AKR1B10: variants seen among roughly 807,000 people sequenced by gnomAD.
AKR1B10 encodes the protein ARP.
In AKR1B10, 39 loss-of-function variants were observed where a neutral mutation model predicts 38.9. That is an observed-to-expected ratio of 1.00 (90% confidence interval 0.78 to 1.31). AKR1B10 has a LOEUF of 1.31. Among genes scored for constraint, AKR1B10 ranks in the 50% most tolerant of loss-of-function variants. The pLI is 0.00. For synonymous variants in AKR1B10, 148 were observed against 141.2 expected, an observed-to-expected ratio of 1.05 and a Z score of -0.34; for missense variants, 361 against 382.6, an observed-to-expected ratio of 0.94 and a Z score of 0.47.
chr7:134,528,349 G>T (rs1199972061), intron 1 of AKR1B10, among the ~76,000 whole-genome samples: 3 of 152,166 alleles, frequency 2.0e-5, no homozygotes, highest in Non-Finnish European at 4.4e-5. Flanking sequence ...AGGATGCAGA[G>T]CCCGAAGTCC....
intron 4 of AKR1B10, among the ~76,000 whole-genome samples, chr7:134,535,324 A>C (rs2117546994): frequency 6.6e-6 from 1 of 152,162 alleles, no homozygotes; most frequent in Non-Finnish European, 1.5e-5. Context: ...CAAGAGTTAA[A>C]AAACTTACCC....
At chr7:134,537,393 G>T (rs918580514) in intron 6 of AKR1B10, among the ~76,000 whole-genome samples, 187 bp from the exon 7 acceptor site, 1 of 152,132 alleles carries the variant, frequency 6.6e-6, no homozygotes, top group Admixed American at 6.5e-5. Context: ...CCACCCAAGG[G>T]TGAACCAGGC....
chr7:134,532,039 C>T lies in AKR1B10; in HGVS notation c.351+15C>T, dbSNP rs747618966. 1.1e-5 allele frequency: 18 copies of T among 1,613,612 alleles called. No homozygotes were observed. Among genetic ancestry groups the T allele is most frequent in the Non-Finnish European group, 1.3e-5 (15 of 1,179,734 alleles). ...AGGGATTCAAGGTTTAAGACACTCT[C>T]TTTCTCAGCCTCTAGTTTCTGAGCA... On this transcript the variant is annotated intron_variant, in intron 3 of 9. Coordinates refer to ENST00000359579, the MANE Select transcript of AKR1B10 (RefSeq NM_020299.5).
Position 134,537,664 on chromosome 7 carries a change from G to A in AKR1B10, c.741+3G>A, listed in dbSNP as rs200101359. On this transcript the variant is annotated splice_donor_region_variant and intron_variant, in intron 7 of 9. Transcript: ENST00000359579. ...AGCACAAAAAAACCGCAGCCCAGGT[G>A]CCATATTTTTATTTTTCTTGTTATC... 1.5e-4 allele frequency: 236 copies of A among 1,614,038 alleles called. No homozygotes were observed. Among genetic ancestry groups the A allele is most frequent in the Middle Eastern group, 3.3e-4 (2 of 6,060 alleles).
At chr7:134,539,542 G>A (rs1489920325) in intron 9 of AKR1B10, among the ~76,000 whole-genome samples, 1 of 152,144 alleles carries the variant, frequency 6.6e-6, no homozygotes, top group Non-Finnish European at 1.5e-5. Flanking sequence ...GTAAAGGGAG[G>A]CTTTGCTGTG....
chr7:134,541,327 A>T lies in AKR1B10; in HGVS notation c.*238A>T, dbSNP rs1808145888. ...AATGACAATTTTTTCCACTTATCTG[A>T]TCAGAACAAATGTTTATTAAGCATC... On this transcript the variant is annotated 3_prime_UTR_variant, in exon 10 of 10. Transcript: ENST00000359579. 3 of 452,432 alleles carry T rather than the reference A, an allele frequency of 6.6e-6. No individual in the cohort carries two copies. Among genetic ancestry groups the T allele is most frequent in the Non-Finnish European group, 1.2e-5 (3 of 254,974 alleles). 28.0% of individuals were successfully genotyped at this position (452,432 alleles called of 1,614,324 possible). A position where few individuals can be genotyped will look rare whatever the true frequency, so the allele number is the denominator to read the frequency against.
At chr7:134,537,712 C>A (rs779992028) in intron 7 of AKR1B10, 51 bp downstream of exon 7, 2 of 1,598,602 alleles carry the variant, frequency 1.3e-6, no homozygotes, top group South Asian at 2.2e-5. Flanking sequence ...CTTCCAGTCT[C>A]GTGTTTCATA....
intron 1 of AKR1B10, among the ~76,000 whole-genome samples, chr7:134,530,015 G>C (rs1198651269): frequency 1.3e-5 from 2 of 152,064 alleles, no homozygotes; most frequent in East Asian, 1.9e-4. Flanking sequence ...CACCACAAAG[G>C]CCTCATGAGG....
chr7:134,536,507 T>C, intron 4 of AKR1B10, 143 bp from the exon 5 acceptor site: 4 of 1,359,548 alleles, frequency 2.9e-6, no homozygotes, highest in East Asian at 2.5e-5. Context: ...ACCCAGGCCC[T>C]GGACTAAAAT....
chr7:134,529,780 T>C (rs1217607114), intron 1 of AKR1B10, among the ~76,000 whole-genome samples: 2 of 152,164 alleles, frequency 1.3e-5, no homozygotes, highest in Non-Finnish European at 2.9e-5. Context: ...TTCTTTTCTT[T>C]TTTTCTTTCT....
chr7:134,532,900 A>G (rs1368007977), intron 3 of AKR1B10, 104 bp from the exon 4 acceptor site: 2 of 890,334 alleles, frequency 2.2e-6, no homozygotes, highest in East Asian at 2.7e-5. Context: ...AAAAAGTGGT[A>G]TGCAGATGTG....
chr7:134,531,502 A>T (rs1384931191), intron 2 of AKR1B10, among the ~76,000 whole-genome samples: 2 of 152,112 alleles, frequency 1.3e-5, no homozygotes, highest in Non-Finnish European at 1.5e-5. Flanking sequence ...TTGATAAGGG[A>T]CCTATCAGAT....
chr7:134,531,411 G>C (rs74996489), intron 2 of AKR1B10, among the ~76,000 whole-genome samples: 3,691 of 152,190 alleles, frequency 0.024, 86 homozygotes, highest in South Asian at 0.11. Context: ...GCATACATCT[G>C]GTAGGACAAA....
chr7:134,531,167 T>G (rs1199685509), intron 2 of AKR1B10, among the ~76,000 whole-genome samples: 2 of 152,168 alleles, frequency 1.3e-5, no homozygotes, highest in East Asian at 3.9e-4. Flanking sequence ...TTCAGCACTG[T>G]GATCTCAGTG....
chr7:134,538,385 C>T (rs13309708), intron 8 of AKR1B10, 108 bp downstream of exon 8: 144 of 1,075,532 alleles, frequency 1.3e-4, no homozygotes, highest in African/African-American at 6.8e-4. Context: ...TGCCCCCTCC[C>T]TTCCCACCAC....
rs1438564837 is a variant in AKR1B10 at position 134,534,540 on chromosome 7, G to A, written c.429+1459G>A. Among the ~76,000 whole-genome samples, 5 of 152,190 alleles carry A rather than the reference G, an allele frequency of 3.3e-5. No homozygotes were observed. In the East Asian group the frequency reaches 5.8e-4, roughly 18 times the overall value. On this transcript the variant is annotated intron_variant, in intron 4 of 9. Transcript: ENST00000359579. The stretch of plus-strand genomic sequence containing the variant: ...CTGTTTTTTGAATGAATACAAGAAC[G>A]ACTGCTAAATAAAACATTTGAAAGG...
intron 7 of AKR1B10, 177 bp from the exon 8 acceptor site, chr7:134,538,017 T>A: frequency 1.5e-6 from 1 of 688,776 alleles, no homozygotes; most frequent in Admixed American, 2.7e-5. Flanking sequence ...GTCTCTAAGG[T>A]GAAGGGAGAG....
Position 134,530,874 on chromosome 7 carries a change from T to G in AKR1B10, c.234+64T>G, listed in dbSNP as rs1807836773. 3.9e-6 allele frequency: 6 copies of G among 1,549,012 alleles called. No individual in the cohort carries two copies. In the Admixed American group the frequency reaches 8.1e-5, roughly 21 times the overall value. Reference sequence around the variant, plus strand: ...GCAGGCAGAAGTATCTGGGTCGGGTTGGCAGCAAGAACTCTGTCAGCCTTT... The same window carrying G: ...GCAGGCAGAAGTATCTGGGTCGGGTGGGCAGCAAGAACTCTGTCAGCCTTT... On this transcript the variant is annotated intron_variant, in intron 2 of 9. Coordinates refer to ENST00000359579, the MANE Select transcript of AKR1B10 (RefSeq NM_020299.5).
Position 134,541,201 on chromosome 7 carries a change from A to ATATATAT in AKR1B10, c.*112_*113insTATATAT. 1 of 805,760 alleles carries ATATATAT rather than the reference A, an allele frequency of 1.2e-6. No homozygotes were observed. The allele number at this position is 805,760 out of a possible 1,614,324, so 49.9% of individuals were successfully genotyped here. A position where few individuals can be genotyped will look rare whatever the true frequency, so the allele number is the denominator to read the frequency against. On this transcript the variant is annotated 3_prime_UTR_variant, in exon 10 of 10. Coordinates refer to ENST00000359579, the MANE Select transcript of AKR1B10 (RefSeq NM_020299.5). ...GCTTATTTAAGATCACAGTGAACTTAGTCCTGTTATAGACGAGAATCGAGG... is the reference window on the plus strand; with the variant it reads ...GCTTATTTAAGATCACAGTGAACTTATATATATGTCCTGTTATAGACGAGAATCGAGG...
Sources: allele counts gnomAD v4.1 joint callset (sites outside exome capture counted in the v4.1 genomes callset), GRCh38; gene constraint gnomAD v4.1.1; transcripts MANE v1.5; gene names NCBI Gene and HGNC (gene_info 2026-07-23, HGNC 2026-07-21).